Variants in ATOH8 observed in about 807,000 individuals in gnomAD.
ATOH8 encodes the protein transcription factor ATOH8.
Under a neutral mutation model 21.2 loss-of-function variants are expected in ATOH8, and 9 were observed. That is an observed-to-expected ratio of 0.42 (90% confidence interval 0.26 to 0.74). ATOH8 has a LOEUF of 0.74. Ranked by LOEUF, ATOH8 falls within the 30% of genes least tolerant of loss-of-function variation. ATOH8 has a pLI of 0.24. For missense variants in ATOH8, 524 were observed against 470.9 expected, an observed-to-expected ratio of 1.11 and a Z score of -1.04; for synonymous variants, 253 against 224.0, an observed-to-expected ratio of 1.13 and a Z score of -1.16.
At chr2:85,755,188 C>T (rs79110308) in intron 1 of ATOH8, among the ~76,000 whole-genome samples, 2,334 of 152,362 alleles carry the variant, frequency 0.015, 67 homozygotes, top group African/African-American at 0.053. Context: ...CAACCCCCGC[C>T]TCGGGGGTAA....
intron 2 of ATOH8, among the ~76,000 whole-genome samples, chr2:85,776,054 G>A (rs558394642): frequency 6.6e-6 from 1 of 152,312 alleles, no homozygotes; most frequent in East Asian, 1.9e-4. Flanking sequence ...GCACTTTCCG[G>A]TTTGCAGAGC....
At chr2:85,755,269 C>T (rs1679653342) in intron 1 of ATOH8, among the ~76,000 whole-genome samples, 1 of 152,188 alleles carries the variant, frequency 6.6e-6, no homozygotes, top group South Asian at 2.1e-4. Context: ...CTGCCGGAGT[C>T]CCCTGGGCGC....
chr2:85,754,812 C>T lies in ATOH8; in HGVS notation c.623C>T (p.Ala208Val), dbSNP rs1335205721. Residue 208 changes from alanine (A) to valine (V), a missense_variant, in exon 1 of 3, where the codon GCG becomes GTG. Transcript: ENST00000306279. ...TACAATAACCACCAGGATTCCTCCG[C>T]GTCGCCTAGGAAACGACCGGGCGAA... ...VIYNNHQDSS[A>V]SPRKRPGEAT... 6.2e-7 allele frequency: 1 copy of T among 1,612,884 alleles called. No homozygotes were observed. Among genetic ancestry groups the T allele is most frequent in the Non-Finnish European group, 8.5e-7 (1 of 1,179,912 alleles).
At position 85,789,197 on chromosome 2, in the gene ATOH8, C is replaced by T. The variant is rs1398608847; in HGVS notation, c.*2307C>T. 6.6e-6 allele frequency among the ~76,000 whole-genome samples: 1 copy of T among 152,166 alleles called. No homozygotes were observed. The highest frequency in any genetic ancestry group is 1.5e-5 in the Non-Finnish European group (1 of 68,024). ...CCCAGAAAGAGCCCATCCTCCACCT[C>T]CCATCCCCCTCCTGCATACATACTT... is the stretch of plus-strand genomic sequence containing the variant. On this transcript the variant is annotated 3_prime_UTR_variant, in exon 3 of 3. Transcript: ENST00000306279.
intron 2 of ATOH8, among the ~76,000 whole-genome samples, chr2:85,780,051 C>T (rs1213986423): frequency 2.0e-5 from 3 of 152,146 alleles, no homozygotes; most frequent in African/African-American, 7.2e-5. Context: ...CCCCACCTTG[C>T]GGTGGGTGTG....
chr2:85,771,562 ATTCT>A (rs1406638220), intron 2 of ATOH8, among the ~76,000 whole-genome samples: 1 of 152,150 alleles, frequency 6.6e-6, no homozygotes, highest in Non-Finnish European at 1.5e-5. Context: ...TGAGTGAGAG[ATTCT>A]TTCCCCTCTA....
At chr2:85,756,438 C>T (rs1015564546) in intron 1 of ATOH8, among the ~76,000 whole-genome samples, 10 of 152,214 alleles carry the variant, frequency 6.6e-5, no homozygotes, top group African/African-American at 2.4e-4. Context: ...AGGGAAGCCC[C>T]TCCTAGACTG....
At chr2:85,774,496 T>A in intron 2 of ATOH8, 1 of 985,470 alleles carries the variant, frequency 1.0e-6, no homozygotes, top group Non-Finnish European at 1.2e-6. Context: ...GATAAGTGTT[T>A]CTAGAGGGTG....
At chr2:85,759,930 C>T (rs899339900) in intron 1 of ATOH8, among the ~76,000 whole-genome samples, 1 of 152,014 alleles carries the variant, frequency 6.6e-6, no homozygotes, top group Non-Finnish European at 1.5e-5. Flanking sequence ...GGAAGTTTTC[C>T]CACATTTGCT....
In ATOH8 at chr2:85,766,312, C is replaced by T. The variant is rs189963648; in HGVS notation, c.960+2130C>T. 5.9e-5 allele frequency among the ~76,000 whole-genome samples: 9 copies of T among 152,052 alleles called. No homozygotes were observed. The highest frequency in any genetic ancestry group is 1.9e-4 in the East Asian group (1 of 5,164). On this transcript the variant is annotated intron_variant, in intron 2 of 2. Transcript: ENST00000306279. This position sits in a 1 kb window ranked among gnomAD's most constrained non-coding sequence, Gnocchi z 4.0. ...AGATGGAAGTTCCAGGGTAGGAACT[C>T]GACTGTTTCCTCTCCACCCTCCCTC...
At chr2:85,779,536 C>T (rs1573536621) in intron 2 of ATOH8, among the ~76,000 whole-genome samples, 1 of 152,166 alleles carries the variant, frequency 6.6e-6, no homozygotes, top group African/African-American at 2.4e-5. Flanking sequence ...CCTCCCACTG[C>T]CAGCCACCTT....
chr2:85,762,614 A>G (rs1679898064), intron 1 of ATOH8, among the ~76,000 whole-genome samples: 1 of 152,142 alleles, frequency 6.6e-6, no homozygotes, highest in African/African-American at 2.4e-5. Flanking sequence ...CTCCTGGTGT[A>G]GGGTAGGGGA....
chr2:85,781,398 C>CTG (rs1212218080), intron 2 of ATOH8, among the ~76,000 whole-genome samples: 1 of 151,562 alleles, frequency 6.6e-6, no homozygotes, highest in African/African-American at 2.4e-5. Context: ...GAAACCCCGT[C>CTG]TCTACTAAAA....
intron 2 of ATOH8, among the ~76,000 whole-genome samples, chr2:85,771,539 G>A (rs1680181903): frequency 6.6e-6 from 1 of 152,130 alleles, no homozygotes; most frequent in African/African-American, 2.4e-5. Context: ...AGATGGGGAA[G>A]GACCAACCTT....
intron 2 of ATOH8, among the ~76,000 whole-genome samples, chr2:85,768,452 A>G (rs1457758049): frequency 6.6e-6 from 1 of 152,088 alleles, no homozygotes; most frequent in Non-Finnish European, 1.5e-5. Flanking sequence ...AATCTGGACC[A>G]AAGGCTGTGA....
chr2:85,776,626 C>T (rs1680329455), intron 2 of ATOH8, among the ~76,000 whole-genome samples: 1 of 152,166 alleles, frequency 6.6e-6, no homozygotes. Flanking sequence ...GGGCCTCCTG[C>T]ATGGTGGGCC....
intron 1 of ATOH8, among the ~76,000 whole-genome samples, chr2:85,755,973 T>C (rs1385858351): frequency 6.9e-6 from 1 of 144,076 alleles, no homozygotes; most frequent in Admixed American, 7.0e-5. Context: ...TCAACTTCTC[T>C]GGGCTTTATC....
chr2:85,786,933 T>G lies in ATOH8; in HGVS notation c.*43T>G, dbSNP rs1417829630. 6.2e-7 allele frequency: 1 copy of G among 1,614,004 alleles called. No homozygotes were observed. The highest frequency in any genetic ancestry group is 8.5e-7 in the Non-Finnish European group (1 of 1,179,928). On this transcript the variant is annotated 3_prime_UTR_variant, in exon 3 of 3. Coordinates refer to ENST00000306279, the MANE Select transcript of ATOH8 (RefSeq NM_032827.7). The stretch of plus-strand genomic sequence containing the variant: ...CAAGGCCACCACTGTGGGCCCTCCT[T>G]CCAGTCAGGCCTGAGGACAAGGTGA...
intron 2 of ATOH8, among the ~76,000 whole-genome samples, chr2:85,767,483 C>A (rs555707344): frequency 2.8e-4 from 42 of 151,292 alleles, no homozygotes; most frequent in African/African-American, 9.0e-4. Flanking sequence ...TGTCTACCCC[C>A]GCTCAACAGG....
Sources: allele counts gnomAD v4.1 joint callset (sites outside exome capture counted in the v4.1 genomes callset), GRCh38; gene constraint gnomAD v4.1.1; non-coding constraint Gnocchi (gnomAD v3.1); transcripts MANE v1.5; gene names NCBI Gene and HGNC (gene_info 2026-07-23, HGNC 2026-07-21).